Variants in PCDHGC3 observed in about 807,000 individuals in gnomAD.
The protein encoded by PCDHGC3 is protocadherin gamma subfamily C, 3, also known as protocadherin gamma-C3.
PCDHGC3 carries 26 observed loss-of-function variants against 59.2 expected under a neutral mutation model. The ratio of observed to expected loss-of-function variants is 0.44; its 90% confidence interval spans 0.32 to 0.61. The LOEUF is 0.61. PCDHGC3 is among the 20% of genes least tolerant of loss of function. The probability of loss-of-function intolerance (pLI) is 0.05; values close to 1 mark genes in which losing one functional copy is unlikely to be tolerated. For synonymous variants in PCDHGC3, 487 were observed against 519.7 expected, an observed-to-expected ratio of 0.94 and a Z score of 0.86; for missense variants, 1,080 against 1,221.8, an observed-to-expected ratio of 0.88 and a Z score of 1.73.
chr5:141,487,176 A>T lies in PCDHGC3; in HGVS notation c.2431-7631A>T. ...ACTCTCTTAGTGTCCTTAGAGGAAG[A>T]CACTCATCCAGTTGTCCCAGATCTT... On this transcript the variant is annotated intron_variant, in intron 1 of 3. Transcript: ENST00000308177. This position sits in a 1 kb window ranked among gnomAD's most constrained non-coding sequence, Gnocchi z 5.0. 1 of 1,613,774 alleles carries T rather than the reference A, an allele frequency of 6.2e-7. No individual in the cohort carries two copies. Among genetic ancestry groups the T allele is most frequent in the South Asian group, 1.1e-5 (1 of 91,082 alleles).
Position 141,486,929 on chromosome 5 carries a change from G to A in PCDHGC3, c.2431-7878G>A. 2.5e-6 allele frequency: 4 copies of A among 1,614,226 alleles called. No individual in the cohort carries two copies. Among genetic ancestry groups the A allele is most frequent in the Non-Finnish European group, 2.5e-6 (3 of 1,180,038 alleles). ...CCAAGCACTGCCTCCATCAGTTGGT[G>A]CTGGCCACCTAATCACAAAGGTGAC... On this transcript the variant is annotated intron_variant, in intron 1 of 3. Transcript: ENST00000308177. This position sits in a 1 kb window ranked among gnomAD's most constrained non-coding sequence, Gnocchi z 5.0.
At chr5:141,481,913 CA>C (rs34114744) in intron 1 of PCDHGC3, among the ~76,000 whole-genome samples, 39,195 of 90,872 alleles carry the variant, frequency 0.43, 5,902 homozygotes, top group Admixed American at 0.51. Flanking sequence ...AACTCCATCT[CA>C]AAAAAAAAAA....
Position 141,485,950 on chromosome 5 carries a change from G to A in PCDHGC3, c.2430+7404G>A. ...TGTTGGAGAGCGCACCAGCGGGCAT[G>A]GTGCTCATCCAGCTCAATGCCTCAG... On this transcript the variant is annotated intron_variant, in intron 1 of 3. Transcript: ENST00000308177. The surrounding 1 kb of genome is among the most constrained non-coding windows in gnomAD (Gnocchi z 5.7). 6.2e-7 allele frequency: 1 copy of A among 1,614,184 alleles called. No individual in the cohort carries two copies. The highest frequency in any genetic ancestry group is 8.5e-7 in the Non-Finnish European group (1 of 1,180,030).
Position 141,511,669 on chromosome 5 carries a change from T to C in PCDHGC3, c.*496T>C, listed in dbSNP as rs1468492336. 1 of 199,424 alleles carries C rather than the reference T, an allele frequency of 5.0e-6. No individual in the cohort carries two copies. The highest frequency in any genetic ancestry group is 2.3e-5 in the African/African-American group (1 of 43,748). The allele number at this position is 199,424 out of a possible 1,614,324, so 12.4% of individuals were successfully genotyped here. ...TCTTGGCCTCTCCTTTGATTCTCAA[T>C]CTTCCCCCAAAGCATGGTTTGGTGC... On this transcript the variant is annotated 3_prime_UTR_variant, in exon 4 of 4. Coordinates refer to ENST00000308177, the MANE Select transcript of PCDHGC3 (RefSeq NM_002588.4).
chr5:141,506,834 C>T (rs2099856597), intron 3 of PCDHGC3, among the ~76,000 whole-genome samples: 1 of 152,140 alleles, frequency 6.6e-6, no homozygotes, highest in Non-Finnish European at 1.5e-5. Flanking sequence ...ACTGATAGCC[C>T]TGCCCTCCAG....
intron 2 of PCDHGC3, among the ~76,000 whole-genome samples, chr5:141,501,838 G>A (rs888418141): frequency 6.6e-6 from 1 of 152,000 alleles, no homozygotes; most frequent in African/African-American, 2.4e-5. Flanking sequence ...CACCTGTTTG[G>A]CCCTCAACCT....
At position 141,480,148 on chromosome 5, in the gene PCDHGC3, G is replaced by C. The variant is rs139861128; in HGVS notation, c.2430+1602G>C. On this transcript the variant is annotated intron_variant, in intron 1 of 3. Transcript: ENST00000308177. ...ATAACTGTTAAACAATTATTAGCCA[G>C]CTCCTAGCATTTTGGGAGGCTGAGG... 9.2e-4 allele frequency among the ~76,000 whole-genome samples: 140 copies of C among 152,036 alleles called. 1 individual carries two copies. The highest frequency in any genetic ancestry group is 3.1e-3 in the African/African-American group (127 of 41,470).
chr5:141,498,105 G>C (rs150297456), intron 2 of PCDHGC3, among the ~76,000 whole-genome samples: 1 of 152,324 alleles, frequency 6.6e-6, no homozygotes, highest in East Asian at 1.9e-4. Flanking sequence ...TGGTGTGGGC[G>C]TATAATAGGG....
intron 1 of PCDHGC3, among the ~76,000 whole-genome samples, chr5:141,483,094 G>C (rs1304382782): frequency 6.6e-6 from 1 of 152,058 alleles, no homozygotes; most frequent in African/African-American, 2.4e-5. Context: ...CAAAAAAAAA[G>C]TGTGCGTGTA....
At position 141,477,166 on chromosome 5, in the gene PCDHGC3, G is replaced by A. The variant is rs753389305; in HGVS notation, c.1050G>A (p.Pro350=). ...TTGTGGATGTGAATGACAACGCCCC[G>A]GAGATCACAGTCACCTCCGTGTACA... ...VEVVDVNDNA[P]EITVTSVYSP... The change falls in exon 1 of 4, where the codon CCG becomes CCA. Residue 350 remains proline, a synonymous_variant. Transcript: ENST00000308177. This position sits in a 1 kb window ranked among gnomAD's most constrained non-coding sequence, Gnocchi z 4.9. 5.9e-5 allele frequency: 96 copies of A among 1,614,012 alleles called. 1 individual carries two copies. Among genetic ancestry groups the A allele is most frequent in the Non-Finnish European group, 7.9e-5 (93 of 1,180,030 alleles).
rs1057374827 is a variant in PCDHGC3, at chr5:141,485,503, C to G, written c.2430+6957C>G. 3.1e-6 allele frequency: 5 copies of G among 1,613,978 alleles called. No homozygotes were observed. Among genetic ancestry groups the G allele is most frequent in the Non-Finnish European group, 4.2e-6 (5 of 1,180,016 alleles). On this transcript the variant is annotated intron_variant, in intron 1 of 3. Coordinates refer to ENST00000308177, the MANE Select transcript of PCDHGC3 (RefSeq NM_002588.4). This position sits in a 1 kb window ranked among gnomAD's most constrained non-coding sequence, Gnocchi z 5.7. ...GCATCGTGCCCCTGGAGTTTGTCACCGAAGGTCCTTTGGAAATGTACCGAG... is the reference window on the plus strand; with the variant it reads ...GCATCGTGCCCCTGGAGTTTGTCACGGAAGGTCCTTTGGAAATGTACCGAG...
chr5:141,491,131 G>A lies in PCDHGC3; in HGVS notation c.2431-3676G>A. 1 of 1,614,182 alleles carries A rather than the reference G, an allele frequency of 6.2e-7. No individual in the cohort carries two copies. Among genetic ancestry groups the A allele is most frequent in the Non-Finnish European group, 8.5e-7 (1 of 1,180,008 alleles). ...TACACACACTGGTGAGGTGCGCACA[G>A]CCCGGGCCTTACTGGAGGATGACTC... On this transcript the variant is annotated intron_variant, in intron 1 of 3. Coordinates refer to ENST00000308177, the MANE Select transcript of PCDHGC3 (RefSeq NM_002588.4). This position sits in a 1 kb window ranked among gnomAD's most constrained non-coding sequence, Gnocchi z 6.9.
In PCDHGC3 at chr5:141,489,574, C is replaced by T. The variant is rs963768096; in HGVS notation, c.2431-5233C>T. The T allele has an allele frequency of 2.5e-6, 4 of 1,613,978 alleles. No homozygotes were observed. The highest frequency in any genetic ancestry group is 3.4e-6 in the Non-Finnish European group (4 of 1,180,014). ...GCTGCCAGTGCAGGTGGTGACTGAA[C>T]ACCCCCTGGAGCTAATCCGTGTAGA... On this transcript the variant is annotated intron_variant, in intron 1 of 3. Coordinates refer to ENST00000308177, the MANE Select transcript of PCDHGC3 (RefSeq NM_002588.4). This position sits in a 1 kb window ranked among gnomAD's most constrained non-coding sequence, Gnocchi z 4.5.
chr5:141,487,491 C>A lies in PCDHGC3; in HGVS notation c.2431-7316C>A. On this transcript the variant is annotated intron_variant, in intron 1 of 3. Transcript: ENST00000308177. This position sits in a 1 kb window ranked among gnomAD's most constrained non-coding sequence, Gnocchi z 5.0. The stretch of plus-strand genomic sequence containing the variant: ...GTGGGAGGCCACTCTCATGGCTGTA[C>A]ACCCTTGGCTTCTGCACCCACTCGG... The A allele has an allele frequency of 6.2e-7, 1 of 1,614,204 alleles. No individual in the cohort carries two copies. The highest frequency in any genetic ancestry group is 8.5e-7 in the Non-Finnish European group (1 of 1,180,034).
At chr5:141,497,827 C>T (rs1390986916) in intron 2 of PCDHGC3, among the ~76,000 whole-genome samples, 3 of 152,188 alleles carry the variant, frequency 2.0e-5, no homozygotes, top group East Asian at 3.9e-4. Flanking sequence ...GGTGTGATCG[C>T]CCCCGGCCAC....
At chr5:141,483,670 A>G (rs1158511173) in intron 1 of PCDHGC3, among the ~76,000 whole-genome samples, 1 of 138,404 alleles carries the variant, frequency 7.2e-6, no homozygotes, top group African/African-American at 3.1e-5. Context: ...GTGTGTGTGT[A>G]AAAGAACACA....
Position 141,491,245 on chromosome 5 carries a change from G to A in PCDHGC3, c.2431-3562G>A, listed in dbSNP as rs1171588507. ...CACAGTGCTGCTGGTTCTGGAGGATGAGGACCCTGAGGAAATGCCCAAATC... is the reference window on the plus strand; with the variant it reads ...CACAGTGCTGCTGGTTCTGGAGGATAAGGACCCTGAGGAAATGCCCAAATC... On this transcript the variant is annotated intron_variant, in intron 1 of 3. Transcript: ENST00000308177. The surrounding 1 kb of genome is among the most constrained non-coding windows in gnomAD (Gnocchi z 6.9). 2 of 1,614,086 alleles carry A rather than the reference G, an allele frequency of 1.2e-6. No individual in the cohort carries two copies. Among genetic ancestry groups the A allele is most frequent in the East Asian group, 4.5e-5 (2 of 44,888 alleles).
In PCDHGC3 at chr5:141,477,524, A is replaced by G. The variant is rs1302186932; in HGVS notation, c.1408A>G (p.Asn470Asp). The stretch of plus-strand genomic sequence containing the variant: ...CTACGACGTTTACATTGAAGAAAAC[A>G]ACCTCCCCGGGGCTCCAATACTAAA... ...SSYDVYIEENNLPGAPILNLS... is the reference protein window; with the variant it reads ...SSYDVYIEENDLPGAPILNLS... Residue 470 changes from asparagine to aspartate, a missense_variant, in exon 1 of 4, where the codon AAC becomes GAC. Physicochemically the swap from Asn to Asp is conservative, Grantham distance 23. Coordinates refer to ENST00000308177, the MANE Select transcript of PCDHGC3 (RefSeq NM_002588.4). The surrounding 1 kb of genome is among the most constrained non-coding windows in gnomAD (Gnocchi z 4.9). The G allele has an allele frequency of 1.2e-6, 2 of 1,614,122 alleles. No individual in the cohort carries two copies. Among genetic ancestry groups the G allele is most frequent in the Non-Finnish European group, 1.7e-6 (2 of 1,180,022 alleles).
In PCDHGC3 at chr5:141,477,247, T is replaced by C; in HGVS notation, c.1131T>C (p.Thr377=). The change falls in exon 1 of 4, where the codon ACT becomes ACC. Residue 377 remains threonine, a synonymous_variant. Transcript: ENST00000308177. This position sits in a 1 kb window ranked among gnomAD's most constrained non-coding sequence, Gnocchi z 4.9. ...LGTVIALLSV[T]DLDAGENGLV... ...CTGTCATCGCTTTGCTCAGTGTGAC[T>C]GACCTGGATGCTGGCGAGAACGGGC... The C allele has an allele frequency of 6.2e-7, 1 of 1,614,208 alleles. No individual in the cohort carries two copies. Among genetic ancestry groups the C allele is most frequent in the Non-Finnish European group, 8.5e-7 (1 of 1,180,040 alleles).
Sources: gnomAD v4.1 joint callset for allele counts (sites outside exome capture counted in the v4.1 genomes callset) on GRCh38, gnomAD v4.1.1 for gene constraint, Gnocchi (gnomAD v3.1) non-coding constraint, MANE v1.5 for transcripts, NCBI Gene and HGNC (gene_info 2026-07-23, HGNC 2026-07-21) for gene names.